Variants in FANCD2 observed in about 807,000 individuals in gnomAD.
The protein encoded by FANCD2 is FA complementation group D2, also known as Fanconi anemia group D2 protein.
Under a neutral mutation model 192.3 loss-of-function variants are expected in FANCD2, and 131 were observed. That is an observed-to-expected ratio of 0.68 (90% CI 0.59 to 0.79). The LOEUF (loss-of-function observed/expected upper bound fraction) is 0.79. FANCD2 is among the 30% of genes least tolerant of loss of function. FANCD2 has a pLI of 0.00. For synonymous variants in FANCD2, 524 were observed against 612.5 expected, an observed-to-expected ratio of 0.86 and a Z score of 2.13; for missense variants, 1,508 against 1,701.6, an observed-to-expected ratio of 0.89 and a Z score of 2.00.
chr3:10,093,406 C>A, intron 39 of FANCD2, 83 bp downstream of exon 39: 1 of 1,183,606 alleles, frequency 8.4e-7, no homozygotes, highest in South Asian at 1.2e-5. Flanking sequence ...ATAAATTGCT[C>A]AATTTCTTGC....
intron 18 of FANCD2, among the ~76,000 whole-genome samples, chr3:10,053,226 T>C (rs1166184082): frequency 6.6e-5 from 10 of 150,684 alleles, no homozygotes; most frequent in South Asian, 2.1e-4. Flanking sequence ...ATGTCCTTTG[T>C]AGGGACATGG....
intron 19 of FANCD2, 64 bp downstream of exon 19, chr3:10,060,467 A>G: frequency 1.7e-6 from 2 of 1,197,428 alleles, no homozygotes; most frequent in East Asian, 2.3e-5. Context: ...TAAGTGTTAC[A>G]TCTCATAGAC....
Position 10,063,924 on chromosome 3 carries a change from G to T in FANCD2, c.1947+13G>T, listed in dbSNP as rs1164014746. Reference sequence around the variant, plus strand: ...TCCAAAAGCCCTGGTAAAGCCAATTGTCTTTTCTTAAAGCAATAAAGCATG... The same window carrying T: ...TCCAAAAGCCCTGGTAAAGCCAATTTTCTTTTCTTAAAGCAATAAAGCATG... On this transcript the variant is annotated intron_variant, in intron 21 of 43. Coordinates refer to ENST00000675286, the MANE Select transcript of FANCD2 (RefSeq NM_001018115.3). 7 of 1,614,074 alleles carry T rather than the reference G, an allele frequency of 4.3e-6. No homozygotes were observed. Among genetic ancestry groups the T allele is most frequent in the Non-Finnish European group, 5.9e-6 (7 of 1,180,034 alleles).
intron 18 of FANCD2, among the ~76,000 whole-genome samples, chr3:10,055,007 T>A (rs2087367607): frequency 2.6e-5 from 4 of 152,186 alleles, no homozygotes; most frequent in Admixed American, 2.6e-4. Flanking sequence ...GCTTCTGAGA[T>A]GTTCTGAGAA....
At chr3:10,070,298 C>T (rs996622877) in intron 26 of FANCD2, among the ~76,000 whole-genome samples, 2 of 150,206 alleles carry the variant, frequency 1.3e-5, no homozygotes, top group African/African-American at 2.5e-5. Context: ...AGGAGCGTCT[C>T]CGCCCGGCAG....
At chr3:10,054,248 G>C (rs1431118867) in intron 18 of FANCD2, among the ~76,000 whole-genome samples, 1 of 149,552 alleles carries the variant, frequency 6.7e-6, no homozygotes, top group Non-Finnish European at 1.5e-5. Context: ...GAAGAGATTA[G>C]ATTGGAATCA....
In FANCD2 at chr3:10,047,907, C is replaced by T. The variant is rs2087071267; in HGVS notation, c.1279-10C>T. On this transcript the variant is annotated splice_polypyrimidine_tract_variant and intron_variant, in intron 15 of 43. Coordinates refer to ENST00000675286, the MANE Select transcript of FANCD2 (RefSeq NM_001018115.3). ...AGCTTCTTTTCTCTCTCTACTCTTC[C>T]CCACTCAAGGTTCTTAAGGATATGT... 2 of 1,612,258 alleles carry T rather than the reference C, an allele frequency of 1.2e-6. No individual in the cohort carries two copies. Among genetic ancestry groups the T allele is most frequent in the Non-Finnish European group, 1.7e-6 (2 of 1,180,022 alleles).
chr3:10,032,408 G>A, intron 2 of FANCD2: 1 of 309,462 alleles, frequency 3.2e-6, no homozygotes, highest in Non-Finnish European at 6.3e-6. Flanking sequence ...AGCCTCCGAA[G>A]TAGCTGGGAC....
In FANCD2 at chr3:10,087,133, G is replaced by C; in HGVS notation, c.3336-1G>C. 1 of 1,614,030 alleles carries C rather than the reference G, an allele frequency of 6.2e-7. No individual in the cohort carries two copies. Among genetic ancestry groups the C allele is most frequent in the Non-Finnish European group, 8.5e-7 (1 of 1,179,992 alleles). On this transcript the variant is annotated splice_acceptor_variant, in intron 33 of 43. Transcript: ENST00000675286. LOFTEE classifies it high-confidence loss of function. Reference sequence around the variant, plus strand: ...TGTTTGTTTTTCTTGTCTCCTTACAGCCAGAGCGTCCATTACTTGCAGAAT... The same window carrying C: ...TGTTTGTTTTTCTTGTCTCCTTACACCCAGAGCGTCCATTACTTGCAGAAT...
In FANCD2 at chr3:10,052,402, C is replaced by G; in HGVS notation, c.1561C>G (p.Leu521Val). The change falls in exon 18 of 44, where the codon CTG becomes GTG. Residue 521 changes from leucine (L) to valine (V), a missense_variant. By Grantham distance (32) the Leu-to-Val change is conservative. This residue lies in a region of FANCD2 where 110 missense variants were observed against 114.4 expected (regional missense o/e 0.96). Transcript: ENST00000675286. The stretch of plus-strand genomic sequence containing the variant: ...TTTTCCACAGGGCATTTTAGATTAT[C>G]TGGATAACATATCCCCTCAGCAAAT... ...AVFVKGILDY[L>V]DNISPQQIRK... 1 of 1,609,856 alleles carries G rather than the reference C, an allele frequency of 6.2e-7. No homozygotes were observed. The highest frequency in any genetic ancestry group is 1.1e-5 in the South Asian group (1 of 91,008).
rs1443853414 is a variant in FANCD2, at chr3:10,043,116, T to C, written c.955T>C (p.Ser319Pro). 2 of 1,613,996 alleles carry C rather than the reference T, an allele frequency of 1.2e-6. No individual in the cohort carries two copies. The highest frequency in any genetic ancestry group is 2.7e-5 in the African/African-American group (2 of 74,906). ...HCVLPSRLQA[S>P]QVKLKSKGRA... ...TGTTTTGCCATCACGGTTACAGGCTTCCCAAGTAAAGTTGAAAAGTAAAGG... is the reference window on the plus strand; with the variant it reads ...TGTTTTGCCATCACGGTTACAGGCTCCCCAAGTAAAGTTGAAAAGTAAAGG... The change falls in exon 12 of 44, where the codon TCC becomes CCC. Residue 319 changes from serine to proline, a missense_variant. Ser to Pro is a moderately conservative substitution (Grantham distance 74). Transcript: ENST00000675286.
chr3:10,061,205 C>T (rs191522333), intron 19 of FANCD2, among the ~76,000 whole-genome samples: 157 of 152,330 alleles, frequency 1.0e-3, no homozygotes, highest in Admixed American at 1.8e-3. Flanking sequence ...CCCAGCAAGC[C>T]GTTGTTTCCT....
intron 41 of FANCD2, 157 bp downstream of exon 41, chr3:10,095,431 A>C (rs1000088984): frequency 1.3e-5 from 9 of 684,048 alleles, no homozygotes. Flanking sequence ...TTGCTCCTTG[A>C]GATTGGGCAG....
At chr3:10,070,526 G>A (rs1693166678) in intron 26 of FANCD2, among the ~76,000 whole-genome samples, 2 of 121,672 alleles carry the variant, frequency 1.6e-5, no homozygotes, top group African/African-American at 3.8e-5. Flanking sequence ...CCCCCTGTCC[G>A]GCCAGCCGCC....
rs143936557 is a variant in FANCD2, at chr3:10,034,732, T to C, written c.311T>C (p.Ile104Thr). 2.0e-4 allele frequency: 312 copies of C among 1,572,762 alleles called. No individual in the cohort carries two copies. The African/African-American group carries it at 3.8e-3, about 19-fold the overall frequency. ...EEFVSGLESY[I>T]EDEDSFRNCL... ...TTTGTTAGTGGCCTGGAGTCTTACA[T>C]TGAGGATGAAGACAGTTTCAGGAAC... Residue 104 changes from isoleucine (I) to threonine (T), a missense_variant, in exon 5 of 44, where the codon ATT (isoleucine) becomes ACT (threonine). Physicochemically the swap from Ile to Thr is moderately conservative, Grantham distance 89. This residue lies in a region of FANCD2 where 435 missense variants were observed against 421.9 expected (regional missense o/e 1.03). Transcript: ENST00000675286.
At chr3:10,077,578 C>T (rs768507092) in intron 29 of FANCD2, among the ~76,000 whole-genome samples, 1 of 151,854 alleles carries the variant, frequency 6.6e-6, no homozygotes, top group Non-Finnish European at 1.5e-5. Flanking sequence ...TTTTTTCACC[C>T]ATTGGGAAGT....
At chr3:10,100,785 T>C (rs921735748) in intron 43 of FANCD2, among the ~76,000 whole-genome samples, 9 of 152,088 alleles carry the variant, frequency 5.9e-5, no homozygotes, top group African/African-American at 2.2e-4. Context: ...ATTATGCAAA[T>C]TGGGCCGGGC....
Position 10,043,145 on chromosome 3 carries a change from A to G in FANCD2, c.984A>G (p.Arg328=), listed in dbSNP as rs762268512. ...AAGTAAAGTTGAAAAGTAAAGGACG[A>G]GCAAGGTAAAGAGCTCATCCTCACA... ...ASQVKLKSKG[R]ASSSGNQESS... is the part of the protein sequence containing the mutation. The change falls in exon 12 of 44, where the codon CGA becomes CGG. Residue 328 remains arginine, a synonymous_variant. Coordinates refer to ENST00000675286, the MANE Select transcript of FANCD2 (RefSeq NM_001018115.3). The G allele has an allele frequency of 6.8e-6, 11 of 1,613,768 alleles. No homozygotes were observed. In the South Asian group the frequency reaches 8.8e-5, roughly 13 times the overall value.
At chr3:10,079,373 C>T (rs950452108) in intron 30 of FANCD2, among the ~76,000 whole-genome samples, 6 of 152,024 alleles carry the variant, frequency 3.9e-5, no homozygotes, top group African/African-American at 2.4e-5. Context: ...GGTGCAATCT[C>T]GGCTCACTGC....
Sources: allele counts gnomAD v4.1 joint callset (sites outside exome capture counted in the v4.1 genomes callset), GRCh38; gene constraint gnomAD v4.1.1; regional missense constraint gnomAD v4.1.1; transcripts MANE v1.5; gene names NCBI Gene and HGNC (gene_info 2026-07-23, HGNC 2026-07-21).